Variants in TEX15 observed in about 807,000 individuals in gnomAD.
The protein encoded by TEX15 is testis-expressed protein 15.
In TEX15, 171 loss-of-function variants were observed where a neutral mutation model predicts 237.3. That is an observed-to-expected ratio of 0.72 (90% confidence interval 0.64 to 0.82). The LOEUF (loss-of-function observed/expected upper bound fraction) is 0.82. Among genes scored for constraint, TEX15 ranks in the 40% least tolerant of loss-of-function variants. The pLI is 0.00. For synonymous variants in TEX15, 1,338 were observed against 1,269.8 expected (o/e 1.05, Z -1.14); for missense variants, 3,750 against 3,646.5 (o/e 1.03, Z -0.73).
chr8:30,908,335 C>T (rs1416919838), intron 1 of TEX15, among the ~76,000 whole-genome samples: 2 of 152,212 alleles, frequency 1.3e-5, no homozygotes, highest in African/African-American at 2.4e-5. Context: ...ACTAGGATTA[C>T]AGGTGTGAGC....
At chr8:30,890,661 T>A (rs1808778226) in intron 2 of TEX15, 1 of 152,226 alleles carries the variant, frequency 6.6e-6, no homozygotes, top group Admixed American at 6.5e-5. Flanking sequence ...TTCTATGACT[T>A]CATAATCCTG....
intron 5 of TEX15, 118 bp from the exon 6 acceptor site, chr8:30,860,175 T>G: frequency 1.1e-6 from 1 of 906,168 alleles, no homozygotes; most frequent in Non-Finnish European, 1.6e-6. Flanking sequence ...AGGGTCTCAC[T>G]CTGTTCAGTC....
chr8:30,879,927 CTTTT>C (rs55942711), intron 3 of TEX15, among the ~76,000 whole-genome samples: 28 of 136,772 alleles, frequency 2.0e-4, no homozygotes, highest in Admixed American at 6.9e-5. Context: ...TTTAGATTTC[CTTTT>C]TTTTTTTAAA....
chr8:30,887,856 T>C (rs1453165712), intron 2 of TEX15: 1 of 147,426 alleles, frequency 6.8e-6, no homozygotes, highest in Non-Finnish European at 1.5e-5. Flanking sequence ...TTCACATATA[T>C]ATTTCGCACA....
At chr8:30,865,357 G>A (rs1204498429) in intron 5 of TEX15, among the ~76,000 whole-genome samples, 1 of 152,066 alleles carries the variant, frequency 6.6e-6, no homozygotes, top group African/African-American at 2.4e-5. Flanking sequence ...AGGTCCTGAT[G>A]GCTTCACCAC....
chr8:30,832,483 GT>G lies in TEX15; in HGVS notation c.*802del, dbSNP rs1237457777. On this transcript the variant is annotated 3_prime_UTR_variant, in exon 11 of 11. Transcript: ENST00000643185. ...CCCTATGATGATTATTACTAAGAGA[GT>G]TTTTACTTTTGCAGAAGGTTAAAAA... is the stretch of plus-strand genomic sequence containing the variant. 16 of 152,286 alleles carry G rather than the reference GT, an allele frequency of 1.1e-4. No homozygotes were observed. In the East Asian group the frequency reaches 2.9e-3, roughly 28 times the overall value. The allele number at this position is 152,286 out of a possible 1,614,324, so 9.4% of individuals were successfully genotyped here. A position where few individuals can be genotyped will look rare whatever the true frequency, so the allele number is the denominator to read the frequency against.
At chr8:30,909,953 T>A (rs1809185830) in intron 1 of TEX15, among the ~76,000 whole-genome samples, 1 of 152,104 alleles carries the variant, frequency 6.6e-6, no homozygotes, top group South Asian at 2.1e-4. Context: ...CAGGATAACA[T>A]GTAGGCACTT....
chr8:30,870,582 C>A (rs1013035008), intron 4 of TEX15, among the ~76,000 whole-genome samples: 8 of 151,854 alleles, frequency 5.3e-5, no homozygotes, highest in Non-Finnish European at 2.9e-5. Context: ...AAAATTATTT[C>A]TTTGGAGATC....
chr8:30,889,937 A>ATATATACACATATATATATATATACG (rs1563273099), intron 2 of TEX15, among the ~76,000 whole-genome samples: 11 of 124,320 alleles, frequency 8.8e-5, no homozygotes, highest in African/African-American at 3.8e-4. Flanking sequence ...TTATATACAT[A>ATATATACACATATATATATATATACG]TATATATATA....
chr8:30,837,872 T>G lies in TEX15; in HGVS notation c.8412A>C (p.Ser2804=). 6.2e-7 allele frequency: 1 copy of G among 1,614,202 alleles called. No homozygotes were observed. Among genetic ancestry groups the G allele is most frequent in the African/African-American group, 1.3e-5 (1 of 75,070 alleles). ...KSESKIDLTV[S]SDHFSGQQEN... ...CCTGTTGTCCACTGAAGTGATCAGA[T>G]GAAACAGTTAAGTCTATTTTGCTTT... is the stretch of plus-strand genomic sequence containing the variant. Residue 2804 remains serine (S), a synonymous_variant, in exon 10 of 11, where the codon TCA becomes TCC. Transcript: ENST00000643185.
chr8:30,839,913 G>A lies in TEX15; in HGVS notation c.8215C>T (p.His2739Tyr), dbSNP rs773172605. ...KINREKATFKHPRTTGSHPKS... is the reference protein window; with the variant it reads ...KINREKATFKYPRTTGSHPKS... ...GCTGATGGGAACTCCTACCTTGGAT[G>A]CTTGAATGTTGCCTTTTCTCTGTTG... Residue 2739 changes from histidine to tyrosine, a missense_variant, in exon 9 of 11, where the codon CAT (histidine) becomes TAT (tyrosine). Transcript: ENST00000643185. 1.5e-5 allele frequency: 24 copies of A among 1,601,066 alleles called. No individual in the cohort carries two copies. Among genetic ancestry groups the A allele is most frequent in the Non-Finnish European group, 2.0e-5 (23 of 1,174,048 alleles).
chr8:30,906,133 G>A (rs542409281), intron 1 of TEX15, among the ~76,000 whole-genome samples: 1 of 152,268 alleles, frequency 6.6e-6, no homozygotes, highest in Admixed American at 6.5e-5. Flanking sequence ...CGCTATATAA[G>A]TATTGGCTAT....
Position 30,848,215 on chromosome 8 carries a change from G to C in TEX15, c.1952C>G (p.Thr651Arg). ...KEIDNDFTNE[T>R]KISPIDNYIV... ...GTAATTATCTATTGGACTGATTTTT[G>C]TTTCATTAGTGAAATCATTATCAAT... Residue 651 changes from threonine to arginine, a missense_variant, in exon 8 of 11, where the codon ACA becomes AGA. Physicochemically the swap from Thr to Arg is moderately conservative, Grantham distance 71. Coordinates refer to ENST00000643185, the MANE Select transcript of TEX15 (RefSeq NM_001350162.2). 1.9e-6 allele frequency: 3 copies of C among 1,612,158 alleles called. No homozygotes were observed. The highest frequency in any genetic ancestry group is 2.5e-6 in the Non-Finnish European group (3 of 1,179,618).
rs151160591 is a variant in TEX15, at chr8:30,844,310, G to T, written c.5857C>A (p.Leu1953Ile). 1.1e-5 allele frequency: 18 copies of T among 1,613,230 alleles called. No individual in the cohort carries two copies. Among genetic ancestry groups the T allele is most frequent in the Non-Finnish European group, 1.4e-5 (16 of 1,179,540 alleles). Residue 1953 changes from leucine to isoleucine, a missense_variant, in exon 8 of 11, where the codon CTA becomes ATA. By Grantham distance (5) the Leu-to-Ile change is conservative. Transcript: ENST00000643185. ...AAAATAGGCGTATGATTAACTCCTA[G>T]AATTCCTGGTTTGGAAATATAGGCT... ...EIAYISKPGILGVNHTPILPA... is the reference protein window; with the variant it reads ...EIAYISKPGIIGVNHTPILPA...
At chr8:30,841,428 T>C (rs1461624372) in intron 8 of TEX15, among the ~76,000 whole-genome samples, 1 of 152,198 alleles carries the variant, frequency 6.6e-6, no homozygotes, top group Admixed American at 6.5e-5. Flanking sequence ...TGAAGTAAGA[T>C]AATAGGAAAT....
At chr8:30,850,843 A>G (rs184610381) in intron 7 of TEX15, among the ~76,000 whole-genome samples, 28 of 152,300 alleles carry the variant, frequency 1.8e-4, no homozygotes, top group African/African-American at 6.7e-4. Flanking sequence ...ATAGGTCAAA[A>G]TGCATGATAA....
chr8:30,861,929 T>G (rs1808059113), intron 5 of TEX15, among the ~76,000 whole-genome samples: 1 of 152,010 alleles, frequency 6.6e-6, no homozygotes, highest in Non-Finnish European at 1.5e-5. Flanking sequence ...AACTTTAAAC[T>G]CAGGAGTAAT....
rs560967674 is a variant in TEX15, at chr8:30,841,810, C to G, written c.8163+194G>C. ...AAAAGTAGACATTTGCAAGGTATCA[C>G]CTATACATATAATTTATGTATCATT... On this transcript the variant is annotated intron_variant, in intron 8 of 10. Transcript: ENST00000643185. Among the ~76,000 whole-genome samples the G allele has an allele frequency of 4.7e-4, 71 of 152,216 alleles. 2 individuals carry two copies. In the South Asian group the frequency reaches 0.015, roughly 31 times the overall value.
At chr8:30,896,597 G>A (rs1808910480) in intron 2 of TEX15, among the ~76,000 whole-genome samples, 4 of 151,094 alleles carry the variant, frequency 2.6e-5, no homozygotes. Flanking sequence ...CCATTCTGTT[G>A]ATATTTGTTT....
Sources: allele counts gnomAD v4.1 joint callset (sites outside exome capture counted in the v4.1 genomes callset), GRCh38; gene constraint gnomAD v4.1.1; transcripts MANE v1.5; gene names NCBI Gene and HGNC (gene_info 2026-07-23, HGNC 2026-07-21).